Variants in HNRNPC observed in about 807,000 individuals in gnomAD.
HNRNPC encodes heterogeneous nuclear ribonucleoprotein C.
A neutral mutation model predicts 33.2 loss-of-function variants in HNRNPC; 3 were observed. The ratio of observed to expected loss-of-function variants is 0.09; its 90% CI spans 0.04 to 0.23. The LOEUF (loss-of-function observed/expected upper bound fraction) is 0.23. HNRNPC is among the 10% of genes least tolerant of loss of function. The pLI, the probability that HNRNPC is intolerant of heterozygous loss-of-function variation, is 1.00. For synonymous variants in HNRNPC, 121 were observed against 126.7 expected, an observed-to-expected ratio of 0.96 and a Z score of 0.30; for missense variants, 143 against 366.7, an observed-to-expected ratio of 0.39 and a Z score of 4.98.
At chr14:21,247,353 G>A (rs1694182691) in intron 2 of HNRNPC, among the ~76,000 whole-genome samples, 2 of 152,220 alleles carry the variant, frequency 1.3e-5, no homozygotes, top group African/African-American at 4.8e-5. Context: ...ATCCTTCACT[G>A]ATAGGACATA....
intron 2 of HNRNPC, among the ~76,000 whole-genome samples, chr14:21,244,727 CTAGA>C (rs1448162717): frequency 2.0e-5 from 3 of 152,180 alleles, no homozygotes; most frequent in African/African-American, 7.2e-5. Flanking sequence ...CAATACCAAG[CTAGA>C]TAGTGTAGCC....
intron 5 of HNRNPC, among the ~76,000 whole-genome samples, chr14:21,226,948 C>T (rs1893535405): frequency 6.7e-6 from 1 of 149,802 alleles, no homozygotes; most frequent in African/African-American, 2.5e-5. Context: ...AGACCCAGAG[C>T]TTTCACTCAG....
chr14:21,269,060 G>A (rs1453511470), intron 1 of HNRNPC, among the ~76,000 whole-genome samples: 1 of 151,980 alleles, frequency 6.6e-6, no homozygotes, highest in African/African-American at 2.4e-5. Flanking sequence ...GTTAACACAG[G>A]AAGAGCGAAA....
At chr14:21,248,686 T>G (rs2138882586) in intron 2 of HNRNPC, among the ~76,000 whole-genome samples, 1 of 152,326 alleles carries the variant, frequency 6.6e-6, no homozygotes, top group African/African-American at 2.4e-5. Context: ...TTAAACCAAG[T>G]ACCATGTTCC....
At chr14:21,260,232 T>C (rs1038743864) in intron 2 of HNRNPC, among the ~76,000 whole-genome samples, 1 of 149,052 alleles carries the variant, frequency 6.7e-6, no homozygotes, top group Non-Finnish European at 1.5e-5. Flanking sequence ...CCGGGCATAG[T>C]AGCAGGTGCC....
At chr14:21,268,304 G>A (rs1034306107) in intron 1 of HNRNPC, among the ~76,000 whole-genome samples, 2 of 152,174 alleles carry the variant, frequency 1.3e-5, no homozygotes, top group Admixed American at 1.3e-4. Flanking sequence ...ATTAACGCCA[G>A]AATATCCCGA....
At position 21,267,948 on chromosome 14, in the gene HNRNPC, C is replaced by T. The variant is rs553297887; in HGVS notation, c.-63+1350G>A. 4.6e-5 allele frequency among the ~76,000 whole-genome samples: 7 copies of T among 152,192 alleles called. No individual in the cohort carries two copies. In the South Asian group the frequency reaches 1.2e-3, roughly 27 times the overall value. On this transcript the variant is annotated intron_variant, in intron 1 of 8. Transcript: ENST00000553300. Reference sequence around the variant, plus strand: ...CCTGTAATAATATACATGTTTAAGCCTTAAGAAAGGGGTCGCGATGTTTTT... The same window carrying T: ...CCTGTAATAATATACATGTTTAAGCTTTAAGAAAGGGGTCGCGATGTTTTT...
At chr14:21,230,759 T>C (rs1348969155) in intron 4 of HNRNPC, 3 of 522,830 alleles carry the variant, frequency 5.7e-6, no homozygotes, top group East Asian at 3.0e-5. Context: ...TTAATATCAA[T>C]AGCAAAAACC....
chr14:21,261,886 C>G (rs1878308937), intron 2 of HNRNPC, among the ~76,000 whole-genome samples: 1 of 152,150 alleles, frequency 6.6e-6, no homozygotes, highest in South Asian at 2.1e-4. Flanking sequence ...CTTTACTAAT[C>G]TCTACACCAT....
chr14:21,231,138 ATTTTT>A, intron 3 of HNRNPC, 66 bp from the exon 4 acceptor site: 1 of 1,461,514 alleles, frequency 6.8e-7, no homozygotes, highest in Non-Finnish European at 9.5e-7. Flanking sequence ...TACAAAGTTT[ATTTTT>A]TTTATTTTTG....
intron 2 of HNRNPC, among the ~76,000 whole-genome samples, chr14:21,242,329 T>C (rs181982085): frequency 5.3e-4 from 81 of 151,898 alleles, no homozygotes; most frequent in African/African-American, 1.8e-3. Context: ...CAAAAAATAC[T>C]AAAAATTAGC....
intron 2 of HNRNPC, among the ~76,000 whole-genome samples, chr14:21,256,122 G>A (rs1877155029): frequency 6.6e-6 from 1 of 152,164 alleles, no homozygotes; most frequent in Non-Finnish European, 1.5e-5. Context: ...GCTGAAAAAG[G>A]CAGCCATTAG....
At chr14:21,244,331 C>T (rs1319117064) in intron 2 of HNRNPC, among the ~76,000 whole-genome samples, 1 of 152,146 alleles carries the variant, frequency 6.6e-6, no homozygotes, top group Non-Finnish European at 1.5e-5. Flanking sequence ...CTTTTATAAT[C>T]AAAATTGTTT....
chr14:21,211,728 T>G, intron 7 of HNRNPC, 82 bp downstream of exon 7: 2 of 1,431,992 alleles, frequency 1.4e-6, no homozygotes, highest in Non-Finnish European at 2.0e-6. Flanking sequence ...TGCTTTATAT[T>G]CCACTATTCC....
At chr14:21,257,124 T>C (rs1489234308) in intron 2 of HNRNPC, among the ~76,000 whole-genome samples, 2 of 152,248 alleles carry the variant, frequency 1.3e-5, no homozygotes, top group Non-Finnish European at 2.9e-5. Context: ...CACTTTTAAG[T>C]TGACATATTG....
At chr14:21,215,094 A>G (rs1165266473) in intron 5 of HNRNPC, among the ~76,000 whole-genome samples, 2 of 152,230 alleles carry the variant, frequency 1.3e-5, no homozygotes, top group Non-Finnish European at 2.9e-5. Flanking sequence ...TTTTGAATCT[A>G]TGTAACAGTC....
At chr14:21,255,103 G>C (rs538115760) in intron 2 of HNRNPC, among the ~76,000 whole-genome samples, 33 of 152,254 alleles carry the variant, frequency 2.2e-4, no homozygotes, top group African/African-American at 7.0e-4. Flanking sequence ...GAGTGACAAT[G>C]CATTATGAAT....
At chr14:21,212,271 G>A (rs1270624631) in intron 6 of HNRNPC, among the ~76,000 whole-genome samples, 2 of 152,024 alleles carry the variant, frequency 1.3e-5, no homozygotes, top group Non-Finnish European at 2.9e-5. Context: ...CTAAGCATCT[G>A]GGGCTACAGG....
chr14:21,235,304 C>T (rs1261288171), intron 2 of HNRNPC, among the ~76,000 whole-genome samples: 5 of 152,016 alleles, frequency 3.3e-5, no homozygotes, highest in South Asian at 2.1e-4. Flanking sequence ...CAAAAGATTC[C>T]AGTATTTGTT....
Sources: gnomAD v4.1 joint callset for allele counts (sites outside exome capture counted in the v4.1 genomes callset) on GRCh38, gnomAD v4.1.1 for gene constraint, MANE v1.5 for transcripts, NCBI Gene and HGNC (gene_info 2026-07-23, HGNC 2026-07-21) for gene names.